The following MIPOL1 variants were observed in gnomAD, a reference collection of about 807,000 sequenced individuals.
The protein encoded by MIPOL1 is mirror-image polydactyly gene 1 protein.
A neutral mutation model predicts 60.9 loss-of-function variants in MIPOL1; 57 were observed. The ratio of observed to expected loss-of-function variants is 0.94; its 90% CI spans 0.76 to 1.17. MIPOL1 has a LOEUF of 1.17. MIPOL1 is among the 50% of genes most tolerant of loss of function. The pLI is 0.00. For missense variants in MIPOL1, 551 were observed against 511.6 expected (o/e 1.08, Z -0.74); for synonymous variants, 179 against 168.8 (o/e 1.06, Z -0.47).
chr14:37,507,533 T>C (rs892843808), intron 12 of MIPOL1: 1 of 152,196 alleles, frequency 6.6e-6, no homozygotes, highest in Non-Finnish European at 1.5e-5. Flanking sequence ...ATGCTTTCAT[T>C]TGTAGGTGTG....
chr14:37,245,482 G>A (rs994613273), intron 1 of MIPOL1, among the ~76,000 whole-genome samples: 1 of 152,086 alleles, frequency 6.6e-6, no homozygotes, highest in African/African-American at 2.4e-5. Flanking sequence ...CAAAGCAAAT[G>A]TGCTGTACAT....
chr14:37,238,226 G>A (rs531556864), intron 1 of MIPOL1, among the ~76,000 whole-genome samples: 86 of 152,144 alleles, frequency 5.7e-4, no homozygotes, highest in African/African-American at 2.0e-3. Context: ...TGTTATAAAC[G>A]ATTGCAAACA....
chr14:37,322,038 TTATC>T (rs2088634027), intron 9 of MIPOL1, among the ~76,000 whole-genome samples: 1 of 151,994 alleles, frequency 6.6e-6, no homozygotes, highest in Non-Finnish European at 1.5e-5. Flanking sequence ...ATTTATCACA[TTATC>T]TAGGTATTTA....
intron 12 of MIPOL1, among the ~76,000 whole-genome samples, chr14:37,528,285 T>C (rs2095459820): frequency 6.6e-6 from 1 of 152,000 alleles, no homozygotes; most frequent in Admixed American, 6.6e-5. Flanking sequence ...ATATAATCTT[T>C]TACATATGAA....
chr14:37,473,404 A>G (rs1195492157), intron 11 of MIPOL1, among the ~76,000 whole-genome samples: 1 of 151,868 alleles, frequency 6.6e-6, no homozygotes, highest in Non-Finnish European at 1.5e-5. Flanking sequence ...GTATTATTTT[A>G]TAGCAACACA....
chr14:37,471,677 C>G lies in MIPOL1; in HGVS notation c.1032-28231C>G, dbSNP rs144847072. Among the ~76,000 whole-genome samples the G allele has an allele frequency of 2.8e-4, 43 of 152,058 alleles. No homozygotes were observed. In the East Asian group the frequency reaches 7.9e-3, roughly 28 times the overall value. On this transcript the variant is annotated intron_variant, in intron 11 of 12. Transcript: ENST00000684589. Reference sequence around the variant, plus strand: ...ATTCTATGTGATCTGATCCCAACCACTTTTTTTTAATGCTCTCTGAACACT... The same window carrying G: ...ATTCTATGTGATCTGATCCCAACCAGTTTTTTTTAATGCTCTCTGAACACT...
At chr14:37,266,318 T>C (rs1161762296) in intron 3 of MIPOL1, among the ~76,000 whole-genome samples, 1 of 152,210 alleles carries the variant, frequency 6.6e-6, no homozygotes, top group Non-Finnish European at 1.5e-5. Context: ...AGATTACTTG[T>C]TCATTCTTGA....
chr14:37,387,433 G>T (rs1160932800), intron 10 of MIPOL1, among the ~76,000 whole-genome samples: 1 of 151,770 alleles, frequency 6.6e-6, no homozygotes, highest in Non-Finnish European at 1.5e-5. Flanking sequence ...ATTATTTTCT[G>T]TGACTAGGAA....
intron 9 of MIPOL1, among the ~76,000 whole-genome samples, chr14:37,344,507 A>G (rs184507277): frequency 1.3e-5 from 2 of 152,158 alleles, no homozygotes; most frequent in South Asian, 2.1e-4. Flanking sequence ...TTTATTAGCA[A>G]AACTACTTTA....
intron 6 of MIPOL1, among the ~76,000 whole-genome samples, chr14:37,273,209 A>G (rs1230243019): frequency 6.6e-6 from 1 of 151,058 alleles, no homozygotes; most frequent in Non-Finnish European, 1.5e-5. Flanking sequence ...TGATTTTATA[A>G]AAATAAAAAT....
intron 11 of MIPOL1, among the ~76,000 whole-genome samples, chr14:37,492,389 T>C (rs1803920404): frequency 6.6e-6 from 1 of 152,218 alleles, no homozygotes; most frequent in African/African-American, 2.4e-5. Flanking sequence ...AGTTTCCTTC[T>C]CCCAATTCAT....
intron 1 of MIPOL1, among the ~76,000 whole-genome samples, chr14:37,210,292 C>CT (rs111257763): frequency 2.9e-4 from 43 of 148,068 alleles, no homozygotes; most frequent in South Asian, 6.4e-4. Flanking sequence ...CATTGCCCCA[C>CT]TTTTTTTTTT....
intron 12 of MIPOL1, among the ~76,000 whole-genome samples, chr14:37,514,535 T>G (rs984648457): frequency 1.1e-4 from 17 of 152,144 alleles, no homozygotes; most frequent in Non-Finnish European, 2.9e-5. Flanking sequence ...TTTATATAAC[T>G]CACTCAAAAC....
In MIPOL1 at chr14:37,325,938, C is replaced by T. The variant is rs752812380; in HGVS notation, c.828+17419C>T. Among the ~76,000 whole-genome samples, 61 of 152,246 alleles carry T rather than the reference C, an allele frequency of 4.0e-4. No individual in the cohort carries two copies. In the Middle Eastern group the frequency reaches 0.01, roughly 25 times the overall value. On this transcript the variant is annotated intron_variant, in intron 9 of 12. Coordinates refer to ENST00000684589, the MANE Select transcript of MIPOL1 (RefSeq NM_001388067.1). ...CAGACAAGTGGTATCCATGTTATGT[C>T]CTCCCGCGAAAGCTTTTCTCCATTT...
chr14:37,338,477 C>T (rs544105325), intron 9 of MIPOL1, among the ~76,000 whole-genome samples: 328 of 149,066 alleles, frequency 2.2e-3, no homozygotes, highest in Non-Finnish European at 3.9e-3. Context: ...GGTGTGATCT[C>T]GGCTCACTGC....
chr14:37,546,483 A>C (rs1216065365), intron 12 of MIPOL1, among the ~76,000 whole-genome samples: 1 of 152,226 alleles, frequency 6.6e-6, no homozygotes, highest in Non-Finnish European at 1.5e-5. Context: ...CCAATGAATC[A>C]CTTATCTAAG....
At chr14:37,305,156 T>TAC (rs1476808122) in intron 7 of MIPOL1, among the ~76,000 whole-genome samples, 1 of 151,870 alleles carries the variant, frequency 6.6e-6, no homozygotes, top group Non-Finnish European at 1.5e-5. Flanking sequence ...TGTGTTGTTT[T>TAC]AAGTGACACA....
Position 37,547,642 on chromosome 14 carries a change from A to G in MIPOL1, c.*671A>G, listed in dbSNP as rs2095551593. 6.6e-6 allele frequency: 1 copy of G among 152,566 alleles called. No individual in the cohort carries two copies. The highest frequency in any genetic ancestry group is 2.4e-5 in the African/African-American group (1 of 41,438). 9.5% of individuals were successfully genotyped at this position (152,566 alleles called of 1,614,324 possible). A position where few individuals can be genotyped will look rare whatever the true frequency, so the allele number is the denominator to read the frequency against. On this transcript the variant is annotated 3_prime_UTR_variant, in exon 13 of 13. Transcript: ENST00000684589. The stretch of plus-strand genomic sequence containing the variant: ...AAACTGTTTTCAATAAAAAGAGGAG[A>G]CTGTTAATGTGTACTTATAAATTCA...
At chr14:37,474,237 G>C (rs975894183) in intron 11 of MIPOL1, among the ~76,000 whole-genome samples, 3 of 152,252 alleles carry the variant, frequency 2.0e-5, no homozygotes, top group South Asian at 2.1e-4. Context: ...TACTTGTGCA[G>C]GTTTTTGTAT....
Sources: allele counts gnomAD v4.1 joint callset (sites outside exome capture counted in the v4.1 genomes callset), GRCh38; gene constraint gnomAD v4.1.1; transcripts MANE v1.5; gene names NCBI Gene and HGNC (gene_info 2026-07-23, HGNC 2026-07-21).